AMN: variants seen among roughly 807,000 people sequenced by gnomAD.
AMN encodes the protein amnion associated transmembrane protein.
A neutral mutation model predicts 49.1 loss-of-function variants in AMN; 40 were observed. The observed-to-expected ratio is 0.81, with a 90% CI of 0.63 to 1.06. The LOEUF is 1.06. Among genes scored for constraint, AMN ranks in the 50% least tolerant of loss-of-function variants. The probability of loss-of-function intolerance (pLI) is 0.00; values close to 1 mark genes in which losing one functional copy is unlikely to be tolerated. For synonymous variants in AMN, 380 were observed against 313.3 expected (o/e 1.21, Z -2.25); for missense variants, 701 against 662.8 (o/e 1.06, Z -0.63).
rs1039978266 is a variant in AMN, at chr14:102,922,741, G to T, written c.43+10G>T. 1 of 1,582,070 alleles carries T rather than the reference G, an allele frequency of 6.3e-7. No homozygotes were observed. ...TGGCTGCAGCTCTGCGGTGAGCCGGGACCACACCGGTGCGGGCCCGGACGG... is the reference window on the plus strand; with the variant it reads ...TGGCTGCAGCTCTGCGGTGAGCCGGTACCACACCGGTGCGGGCCCGGACGG... On this transcript the variant is annotated intron_variant, in intron 1 of 11. Transcript: ENST00000299155.
rs1457161324 is a variant in AMN at position 102,928,648 on chromosome 14, GT to G, written c.296-109del. 3.3e-6 allele frequency: 5 copies of G among 1,498,852 alleles called. No homozygotes were observed. The East Asian group carries it at 1.2e-4, about 37-fold the overall frequency. The allele number at this position is 1,498,852 out of a possible 1,614,324, so 92.8% of individuals were successfully genotyped here. On this transcript the variant is annotated intron_variant, in intron 4 of 11. Coordinates refer to ENST00000299155, the MANE Select transcript of AMN (RefSeq NM_030943.4). ...GCGTGGTTTAGGGAGTGGCGGAAGT[GT>G]CCCGAAGCGGGGCTTGGGAGGTCGT...
At chr14:102,923,552 CG>C in intron 1 of AMN, 158 bp from the exon 2 acceptor site, 1 of 723,078 alleles carries the variant, frequency 1.4e-6, no homozygotes, top group Admixed American at 2.0e-5. Flanking sequence ...ACAGTCTGGC[CG>C]GGAGGGACCA....
At chr14:102,926,237 T>C (rs1891184328) in intron 3 of AMN, among the ~76,000 whole-genome samples, 1 of 152,226 alleles carries the variant, frequency 6.6e-6, no homozygotes, top group African/African-American at 2.4e-5. Context: ...GTCACAATGG[T>C]AATGGACTGT....
chr14:102,925,220 G>A (rs1891158763), intron 3 of AMN, among the ~76,000 whole-genome samples: 1 of 152,248 alleles, frequency 6.6e-6, no homozygotes, highest in Admixed American at 6.5e-5. Flanking sequence ...CGGGGTGTCG[G>A]CTCCAGATGT....
chr14:102,929,152 T>C lies in AMN; in HGVS notation c.545T>C (p.Phe182Ser). 6.3e-7 allele frequency: 1 copy of C among 1,596,854 alleles called. No homozygotes were observed. The highest frequency in any genetic ancestry group is 1.7e-5 in the Admixed American group (1 of 59,950). The change falls in exon 6 of 12, where the codon TTC (phenylalanine) becomes TCC (serine). Residue 182 changes from phenylalanine (F) to serine (S), a missense_variant. By Grantham distance (155) the Phe-to-Ser change is radical. Coordinates refer to ENST00000299155, the MANE Select transcript of AMN (RefSeq NM_030943.4). Reference protein sequence around the residue: ...TFTRDEDLAVFLASRAGRLRF... With the variant: ...TFTRDEDLAVSLASRAGRLRF... ...ACGCGCGACGAGGACCTGGCTGTTT[T>C]CCTGGCGTCCCGCGCGGGCCGCCTA... is the stretch of plus-strand genomic sequence containing the variant.
intron 11 of AMN, 34 bp downstream of exon 11, chr14:102,930,527 C>T (rs1211653485): frequency 8.4e-6 from 13 of 1,543,172 alleles, no homozygotes; most frequent in Non-Finnish European, 1.0e-5. Context: ...GGGGCCTCCT[C>T]GGGGCCGGGA....
In AMN at chr14:102,923,793, G is replaced by C; in HGVS notation, c.126G>C (p.Pro42=). ...VAANWSQNRT[P]CAGGAVEFPA... ...CCAACTGGAGCCAGAACCGGACCCC[G>C]TGCGCCGGCGGCGCCGTTGAGTTCC... Residue 42 remains proline, a synonymous_variant, in exon 2 of 12, where the codon CCG becomes CCC. Coordinates refer to ENST00000299155, the MANE Select transcript of AMN (RefSeq NM_030943.4). 3.1e-6 allele frequency: 5 copies of C among 1,612,704 alleles called. No homozygotes were observed. The highest frequency in any genetic ancestry group is 3.4e-6 in the Non-Finnish European group (4 of 1,179,854).
rs756662668 is a variant in AMN, at chr14:102,929,488, G to A, written c.712G>A (p.Ala238Thr). Residue 238 changes from alanine to threonine, a missense_variant, in exon 7 of 12, where the codon GCC becomes ACC. Transcript: ENST00000299155. Reference sequence around the variant, plus strand: ...CCTGGGCGGCCGCTGCCCCCAGGCCGCCTGCCACAGCGCCCTCCGGCCCCA... The same window carrying A: ...CCTGGGCGGCCGCTGCCCCCAGGCCACCTGCCACAGCGCCCTCCGGCCCCA... ...QPLGGRCPQA[A>T]CHSALRPQGQ... is the part of the protein sequence containing the mutation. 2.2e-5 allele frequency: 33 copies of A among 1,532,272 alleles called. No individual in the cohort carries two copies. The African/African-American group carries it at 3.7e-4, about 17-fold the overall frequency. The allele number at this position is 1,532,272 out of a possible 1,614,324, so 94.9% of individuals were successfully genotyped here. A position where few individuals can be genotyped will look rare whatever the true frequency, so the allele number is the denominator to read the frequency against.
At chr14:102,929,071 G>C (rs970679693) in intron 5 of AMN, 50 bp from the exon 6 acceptor site, 7 of 1,597,274 alleles carry the variant, frequency 4.4e-6, no homozygotes, top group Non-Finnish European at 5.1e-6. Flanking sequence ...GAGCACTCAG[G>C]TGAAGTCTCT....
chr14:102,923,304 G>C, intron 1 of AMN: 1 of 313,136 alleles, frequency 3.2e-6, no homozygotes, highest in Non-Finnish European at 6.2e-6. Flanking sequence ...TCCCGGCCCA[G>C]GTAGGACTCC....
At chr14:102,923,063 G>A (rs1162876699) in intron 1 of AMN, 38 of 334,468 alleles carry the variant, frequency 1.1e-4, no homozygotes, top group East Asian at 6.5e-5. Context: ...CAGCGAGTGT[G>A]CGCCTGCGGG....
chr14:102,928,738 A>G lies in AMN; in HGVS notation c.296-20A>G, dbSNP rs768625940. 2.2e-5 allele frequency: 35 copies of G among 1,602,548 alleles called. No homozygotes were observed. Among genetic ancestry groups the G allele is most frequent in the Non-Finnish European group, 2.8e-5 (33 of 1,177,674 alleles). Reference sequence around the variant, plus strand: ...GCGCGGCGCTTGTTCCGTGGAGCTCAGGGATGTGCTCCGGCTCAGGCGAAC... The same window carrying G: ...GCGCGGCGCTTGTTCCGTGGAGCTCGGGGATGTGCTCCGGCTCAGGCGAAC... On this transcript the variant is annotated intron_variant, in intron 4 of 11. Coordinates refer to ENST00000299155, the MANE Select transcript of AMN (RefSeq NM_030943.4).
Position 102,930,685 on chromosome 14 carries a change from C to T in AMN, c.*5C>T, listed in dbSNP as rs779374303. ...GGGGCCGAGGCCGAGGCCTGAGCGGCCGCCTGACCGTCGACCTTGGGGCTC... is the reference window on the plus strand; with the variant it reads ...GGGGCCGAGGCCGAGGCCTGAGCGGTCGCCTGACCGTCGACCTTGGGGCTC... On this transcript the variant is annotated 3_prime_UTR_variant, in exon 12 of 12. Coordinates refer to ENST00000299155, the MANE Select transcript of AMN (RefSeq NM_030943.4). 6 of 1,574,298 alleles carry T rather than the reference C, an allele frequency of 3.8e-6. No individual in the cohort carries two copies. The highest frequency in any genetic ancestry group is 1.8e-5 in the Admixed American group (1 of 54,802).
Position 102,930,746 on chromosome 14 carries a change from GCCACCT to G in AMN, c.*69_*74del, listed in dbSNP as rs1259571902. 3 of 1,489,706 alleles carry G rather than the reference GCCACCT, an allele frequency of 2.0e-6. No individual in the cohort carries two copies. In the Admixed American group the frequency reaches 5.9e-5, roughly 29 times the overall value. The allele number at this position is 1,489,706 out of a possible 1,614,324, so 92.3% of individuals were successfully genotyped here. On this transcript the variant is annotated 3_prime_UTR_variant, in exon 12 of 12. Transcript: ENST00000299155. ...CTGGCCCCAGTCGAACTGGGGGCTA[GCCACCT>G]CCTCGTCCAGCCCCCAAACCTCCCC...
In AMN at chr14:102,923,989, G is replaced by A. The variant is rs1184849934; in HGVS notation, c.207+10G>A. The A allele has an allele frequency of 1.2e-6, 2 of 1,613,150 alleles. No homozygotes were observed. The highest frequency in any genetic ancestry group is 2.2e-5 in the East Asian group (1 of 44,898). On this transcript the variant is annotated intron_variant, in intron 3 of 11. Coordinates refer to ENST00000299155, the MANE Select transcript of AMN (RefSeq NM_030943.4). Reference sequence around the variant, plus strand: ...CGCCGTCTCAGACATGGTAAGGCCGGGCTGCTACTGCCACTGGGCTGGGGG... The same window carrying A: ...CGCCGTCTCAGACATGGTAAGGCCGAGCTGCTACTGCCACTGGGCTGGGGG...
At chr14:102,923,027 G>C in intron 1 of AMN, 1 of 438,514 alleles carries the variant, frequency 2.3e-6, no homozygotes, top group Non-Finnish European at 4.1e-6. Context: ...TGCGAAATGG[G>C]CGCGGTCCCC....
intron 3 of AMN, among the ~76,000 whole-genome samples, chr14:102,928,075 T>C (rs1891227163): frequency 6.6e-6 from 1 of 152,096 alleles, no homozygotes; most frequent in Non-Finnish European, 1.5e-5. Flanking sequence ...CTCAAGGGGC[T>C]ACGGGGGGAG....
At chr14:102,928,294 C>A in intron 3 of AMN, 132 bp from the exon 4 acceptor site, 2 of 772,730 alleles carry the variant, frequency 2.6e-6, no homozygotes, top group Non-Finnish European at 4.2e-6. Flanking sequence ...CCGAGGACCC[C>A]GGGCCTGAGC....
In AMN at chr14:102,929,259, G is replaced by T; in HGVS notation, c.651+1G>T. On this transcript the variant is annotated splice_donor_variant, in intron 6 of 11. Coordinates refer to ENST00000299155, the MANE Select transcript of AMN (RefSeq NM_030943.4). LOFTEE classifies it high-confidence loss of function. ...GGGCTGCGTCTGCGGCAACGCGGAGGTGAGCGAGGCCGCAGTGGAGTCGCG... is the reference window on the plus strand; with the variant it reads ...GGGCTGCGTCTGCGGCAACGCGGAGTTGAGCGAGGCCGCAGTGGAGTCGCG... 1 of 1,476,530 alleles carries T rather than the reference G, an allele frequency of 6.8e-7. No homozygotes were observed. Among genetic ancestry groups the T allele is most frequent in the Non-Finnish European group, 8.9e-7 (1 of 1,124,792 alleles). 91.5% of individuals were successfully genotyped at this position (1,476,530 alleles called of 1,614,324 possible).
Sources: gnomAD v4.1 joint callset for allele counts (sites outside exome capture counted in the v4.1 genomes callset) on GRCh38, gnomAD v4.1.1 for gene constraint, MANE v1.5 for transcripts, NCBI Gene and HGNC (gene_info 2026-07-23, HGNC 2026-07-21) for gene names.